Variants in PDE1A observed in about 807,000 individuals in gnomAD.
The protein encoded by PDE1A is phosphodiesterase 1A.
Under a neutral mutation model 61.7 loss-of-function variants are expected in PDE1A, and 35 were observed. The observed-to-expected ratio is 0.57, with a 90% CI of 0.43 to 0.75. PDE1A has a LOEUF of 0.75. Among genes scored for constraint, PDE1A ranks in the 30% least tolerant of loss-of-function variants. The probability of loss-of-function intolerance (pLI) is 0.00; values close to 1 mark genes in which losing one functional copy is unlikely to be tolerated. For missense variants in PDE1A, 597 were observed against 630.6 expected, an observed-to-expected ratio of 0.95 and a Z score of 0.57; for synonymous variants, 232 against 213.2, an observed-to-expected ratio of 1.09 and a Z score of -0.77.
chr2:182,523,171 C>T (rs1421921622), upstream of PDE1A: 1 of 152,128 alleles, frequency 6.6e-6, no homozygotes, highest in Non-Finnish European at 1.5e-5. Context: ...CAGCTGCACA[C>T]AGCCTGCTCT....
the PDE1A span, among the ~76,000 whole-genome samples, chr2:182,603,694 A>G: frequency 1.7e-3 from 258 of 152,340 alleles, no homozygotes; most frequent in South Asian, 5.0e-3. Flanking sequence ...GCAAAATAGA[A>G]AGTTAATTAT....
At chr2:182,380,721 A>C (rs552467721) in intron 1 of PDE1A, among the ~76,000 whole-genome samples, 1 of 152,322 alleles carries the variant, frequency 6.6e-6, no homozygotes, top group African/African-American at 2.4e-5. Context: ...ACTTTAGGAT[A>C]GTTATAATTA....
At chr2:182,634,075 G>C in the PDE1A span, among the ~76,000 whole-genome samples, 1 of 151,314 alleles carries the variant, frequency 6.6e-6, no homozygotes, top group South Asian at 2.1e-4. Context: ...GGATGACAGA[G>C]CAAGACTCTG....
At chr2:182,355,446 T>A (rs974596341) in intron 1 of PDE1A, among the ~76,000 whole-genome samples, 4 of 151,940 alleles carry the variant, frequency 2.6e-5, no homozygotes, top group Non-Finnish European at 5.9e-5. Flanking sequence ...TTATGCTATT[T>A]TGATTTCATA....
chr2:182,465,660 A>AT (rs1424151037), intron 2 of PDE1A, among the ~76,000 whole-genome samples: 3 of 152,058 alleles, frequency 2.0e-5, no homozygotes, highest in Admixed American at 6.6e-5. Context: ...TAAAGCAATA[A>AT]TTTTTGTCCA....
chr2:182,378,568 T>C (rs903157885), intron 1 of PDE1A, among the ~76,000 whole-genome samples: 7 of 152,334 alleles, frequency 4.6e-5, no homozygotes, highest in East Asian at 3.9e-4. Flanking sequence ...GTCATGACCA[T>C]AGTGATTTTC....
the PDE1A span, among the ~76,000 whole-genome samples, chr2:182,609,871 T>G: frequency 6.6e-6 from 1 of 152,190 alleles, no homozygotes; most frequent in Non-Finnish European, 1.5e-5. Flanking sequence ...GTGGATCATC[T>G]GTGGTCAGGA....
At chr2:182,638,302 G>T in the PDE1A span, among the ~76,000 whole-genome samples, 1 of 152,130 alleles carries the variant, frequency 6.6e-6, no homozygotes, top group Non-Finnish European at 1.5e-5. Context: ...ACTTTGGGAG[G>T]CCAAGGCAGG....
intron 1 of PDE1A, among the ~76,000 whole-genome samples, chr2:182,364,280 G>GT (rs1699683577): frequency 1.3e-5 from 2 of 151,542 alleles, no homozygotes; most frequent in South Asian, 4.2e-4. Context: ...TTCAGGTAGA[G>GT]CAGTCCTTCC....
the PDE1A span, among the ~76,000 whole-genome samples, chr2:182,581,622 T>A: frequency 6.6e-6 from 1 of 152,060 alleles, no homozygotes; most frequent in Non-Finnish European, 1.5e-5. Flanking sequence ...TACAAAGAAA[T>A]CAAAGAAAAT....
At chr2:182,432,525 CTGTT>C (rs529993069) in intron 2 of PDE1A, among the ~76,000 whole-genome samples, 7 of 152,122 alleles carry the variant, frequency 4.6e-5, no homozygotes, top group Non-Finnish European at 7.4e-5. Flanking sequence ...GGATTAGTGT[CTGTT>C]GTATTCCCTG....
the PDE1A span, among the ~76,000 whole-genome samples, chr2:182,701,031 T>C: frequency 8.6e-6 from 1 of 116,356 alleles, no homozygotes; most frequent in Non-Finnish European, 2.1e-5. Flanking sequence ...TTTCTGTTTT[T>C]TGTTTTTGTT....
chr2:182,460,620 T>A (rs1196791191), intron 2 of PDE1A, among the ~76,000 whole-genome samples: 1 of 152,138 alleles, frequency 6.6e-6, no homozygotes, highest in Non-Finnish European at 1.5e-5. Flanking sequence ...CTTTCATGTA[T>A]GAAACCAGAG....
chr2:182,157,149 G>A (rs182634908), intron 13 of PDE1A, among the ~76,000 whole-genome samples: 5 of 151,640 alleles, frequency 3.3e-5, no homozygotes, highest in African/African-American at 9.7e-5. Flanking sequence ...CCAGTAGCTG[G>A]GATTACAGGC....
intron 1 of PDE1A, among the ~76,000 whole-genome samples, chr2:182,331,274 A>G (rs1245841521): frequency 6.6e-6 from 1 of 152,162 alleles, no homozygotes; most frequent in Non-Finnish European, 1.5e-5. Context: ...GAGATTTTTA[A>G]AAGTCCCTAT....
intron 1 of PDE1A, among the ~76,000 whole-genome samples, chr2:182,367,789 C>T (rs1018301005): frequency 6.6e-5 from 10 of 152,032 alleles, no homozygotes; most frequent in East Asian, 1.9e-4. Flanking sequence ...TAAAGTCACA[C>T]GTAAACATTA....
intron 1 of PDE1A, among the ~76,000 whole-genome samples, chr2:182,369,856 G>A (rs1393383200): frequency 6.6e-6 from 1 of 152,148 alleles, no homozygotes; most frequent in African/African-American, 2.4e-5. Context: ...TTGAAATGAA[G>A]GTAAGTGTAA....
intron 2 of PDE1A, among the ~76,000 whole-genome samples, chr2:182,489,393 A>G (rs72885197): frequency 0.053 from 8,001 of 152,346 alleles, 247 homozygotes; most frequent in Middle Eastern, 0.099. Flanking sequence ...CAGAGAAGTG[A>G]CATGATCTAG....
intron 10 of PDE1A, among the ~76,000 whole-genome samples, chr2:182,194,347 C>CTGTCT (rs1457453877): frequency 6.6e-6 from 1 of 152,080 alleles, no homozygotes; most frequent in Non-Finnish European, 1.5e-5. Context: ...AAGCAAAAAC[C>CTGTCT]TGTCTTCTTT....
Sources: allele counts gnomAD v4.1 joint callset (sites outside exome capture counted in the v4.1 genomes callset), GRCh38; gene constraint gnomAD v4.1.1; transcripts MANE v1.5; gene names NCBI Gene and HGNC (gene_info 2026-07-23, HGNC 2026-07-21).